The following ADGRL3 variants were observed in gnomAD, a reference collection of about 807,000 sequenced individuals.
ADGRL3 encodes the protein adhesion G protein-coupled receptor L3.
Under a neutral mutation model 153.5 loss-of-function variants are expected in ADGRL3, and 62 were observed. The observed-to-expected ratio is 0.40, with a 90% CI of 0.33 to 0.50. The LOEUF is 0.50. Among genes scored for constraint, ADGRL3 ranks in the 20% least tolerant of loss-of-function variants. The probability of loss-of-function intolerance (pLI) is 0.47; values close to 1 mark genes in which losing one functional copy is unlikely to be tolerated. For missense variants in ADGRL3, 1,641 were observed against 1,859.4 expected (o/e 0.88, Z 2.16); for synonymous variants, 710 against 672.5 (o/e 1.06, Z -0.86).
At chr4:61,970,614 C>T (rs556121901) in intron 17 of ADGRL3, among the ~76,000 whole-genome samples, 5 of 152,166 alleles carry the variant, frequency 3.3e-5, no homozygotes, top group Admixed American at 3.3e-4. Flanking sequence ...ATGTTGTATG[C>T]TCTTAAGAGC....
At chr4:62,036,296 A>G (rs1186518134) in intron 23 of ADGRL3, among the ~76,000 whole-genome samples, 5 of 151,834 alleles carry the variant, frequency 3.3e-5, no homozygotes, top group Non-Finnish European at 7.4e-5. Context: ...CTTTATTTCA[A>G]CTTCACTCTG....
chr4:61,432,763 C>T (rs1265272786), intron 2 of ADGRL3, among the ~76,000 whole-genome samples: 1 of 151,200 alleles, frequency 6.6e-6, no homozygotes, highest in African/African-American at 2.4e-5. Context: ...AAGTGATTCC[C>T]CTGCCTCAGC....
chr4:61,497,386 G>T (rs2098330986), intron 3 of ADGRL3, 38 bp downstream of exon 3: 1 of 1,380,664 alleles, frequency 7.2e-7, no homozygotes, highest in Non-Finnish European at 1.0e-6. Context: ...GCTTAATGTT[G>T]TCTCACTTAT....
At position 62,070,586 on chromosome 4, in the gene ADGRL3, C is replaced by G; in HGVS notation, c.4310C>G (p.Thr1437Ser). Residue 1437 changes from threonine to serine, a missense_variant, in exon 27 of 27, where the codon ACC (threonine) becomes AGC (serine). This residue lies in a region of ADGRL3 where 517 missense variants were observed against 555.0 expected (regional missense o/e 0.93). Transcript: ENST00000683033. ...AGTGAGAGCTTTTTCCCTTTGCTAA[C>G]CAACGAGCACACAGAAGATCTCCAG... ...DHSESFFPLLTNEHTEDLQSP... is the reference protein window; with the variant it reads ...DHSESFFPLLSNEHTEDLQSP... 2.6e-6 allele frequency: 4 copies of G among 1,551,776 alleles called. No individual in the cohort carries two copies. The highest frequency in any genetic ancestry group is 3.5e-6 in the Non-Finnish European group (4 of 1,147,036).
intron 5 of ADGRL3, among the ~76,000 whole-genome samples, chr4:61,628,532 T>G (rs1272385405): frequency 6.6e-6 from 1 of 152,236 alleles, no homozygotes; most frequent in Non-Finnish European, 1.5e-5. Flanking sequence ...ATTTTTCATC[T>G]TACTAATGAC....
At chr4:61,569,017 A>G (rs1579586818) in intron 4 of ADGRL3, among the ~76,000 whole-genome samples, 2 of 152,132 alleles carry the variant, frequency 1.3e-5, no homozygotes, top group Admixed American at 1.3e-4. Context: ...TGAATCTCAT[A>G]TAGCAAGCAT....
chr4:61,588,742 G>T (rs2098957096), intron 5 of ADGRL3, among the ~76,000 whole-genome samples: 1 of 152,034 alleles, frequency 6.6e-6, no homozygotes, highest in South Asian at 2.1e-4. Flanking sequence ...TAAATGCTAT[G>T]CCTGAAAGAG....
chr4:61,533,854 CTT>C (rs1472325881), intron 4 of ADGRL3, among the ~76,000 whole-genome samples: 1 of 151,926 alleles, frequency 6.6e-6, no homozygotes, highest in African/African-American at 2.4e-5. Context: ...CAATAAGTAA[CTT>C]AGTGAAAAAG....
Position 61,496,937 on chromosome 4 carries a change from TC to T in ADGRL3, c.-173-183del, listed in dbSNP as rs1395859345. On this transcript the variant is annotated intron_variant, in intron 2 of 26. Coordinates refer to ENST00000683033, the MANE Select transcript of ADGRL3 (RefSeq NM_001387552.1). ...GCCGGGGCGACAGAGCGAGACTCCA[TC>T]TTAAAAAAAAAAAAAAAATCAGTAT... 6.4e-4 allele frequency among the ~76,000 whole-genome samples: 18 copies of T among 28,216 alleles called. No homozygotes were observed. The South Asian group carries it at 0.092, about 144-fold the overall frequency. 18.5% of individuals were successfully genotyped at this position (28,216 alleles called of 152,430 possible).
chr4:61,805,390 A>G lies in ADGRL3; in HGVS notation c.1400-8419A>G, dbSNP rs572964083. On this transcript the variant is annotated intron_variant, in intron 8 of 26. Transcript: ENST00000683033. ...TAGGATTTAAAGCAGAACTTTAAAA[A>G]CATAAGCACAGCAGGCCAACTTCCT... is the stretch of plus-strand genomic sequence containing the variant. 3.7e-4 allele frequency among the ~76,000 whole-genome samples: 56 copies of G among 152,290 alleles called. 1 individual carries two copies. Among genetic ancestry groups the G allele is most frequent in the African/African-American group, 1.3e-3 (53 of 41,564 alleles).
At position 61,493,816 on chromosome 4, in the gene ADGRL3, A is replaced by G. The variant is rs1332871401; in HGVS notation, c.-173-3305A>G. Among the ~76,000 whole-genome samples, 3 of 152,310 alleles carry G rather than the reference A, an allele frequency of 2.0e-5. No individual in the cohort carries two copies. In the East Asian group the frequency reaches 5.8e-4, roughly 29 times the overall value. ...CTTTGCACAATTAACGTTCCTAATT[A>G]TTTTCATCCATTTTCTTCTTTATTT... On this transcript the variant is annotated intron_variant, in intron 2 of 26. Transcript: ENST00000683033.
At chr4:61,296,063 C>G (rs1272188124) in intron 1 of ADGRL3, among the ~76,000 whole-genome samples, 1 of 152,106 alleles carries the variant, frequency 6.6e-6, no homozygotes, top group Non-Finnish European at 1.5e-5. Flanking sequence ...GGTTTCTTAT[C>G]TAAGGTAAAT....
At chr4:61,849,058 A>C (rs1159359445) in intron 9 of ADGRL3, among the ~76,000 whole-genome samples, 1 of 152,182 alleles carries the variant, frequency 6.6e-6, no homozygotes, top group Non-Finnish European at 1.5e-5. Context: ...AGTTATACAC[A>C]GTGAAGTTAT....
At chr4:61,674,504 A>G (rs2095120555) in intron 5 of ADGRL3, among the ~76,000 whole-genome samples, 1 of 151,804 alleles carries the variant, frequency 6.6e-6, no homozygotes, top group African/African-American at 2.4e-5. Context: ...TAAAATGACT[A>G]TAGACCAAGA....
chr4:61,215,099 TGA>T (rs1046342030), intron 1 of ADGRL3, among the ~76,000 whole-genome samples: 44 of 152,232 alleles, frequency 2.9e-4, no homozygotes, highest in Non-Finnish European at 7.3e-5. Context: ...TTCTTTGTTC[TGA>T]GAGACTTTAA....
intron 1 of ADGRL3, among the ~76,000 whole-genome samples, chr4:61,328,913 G>T (rs1206488503): frequency 6.6e-6 from 1 of 152,108 alleles, no homozygotes; most frequent in Non-Finnish European, 1.5e-5. Flanking sequence ...GATTCGTCCT[G>T]CTCTGTAATC....
chr4:61,924,127 G>T (rs2150017034), intron 13 of ADGRL3, among the ~76,000 whole-genome samples: 1 of 152,054 alleles, frequency 6.6e-6, no homozygotes, highest in South Asian at 2.1e-4. Flanking sequence ...TCTAAATGCT[G>T]CTAAACCAAT....
intron 5 of ADGRL3, among the ~76,000 whole-genome samples, chr4:61,647,424 CA>C (rs1208347574): frequency 6.6e-6 from 1 of 152,062 alleles, no homozygotes; most frequent in African/African-American, 2.4e-5. Context: ...GGTTTGTCCC[CA>C]TATCTGAGTA....
At position 61,969,207 on chromosome 4, in the gene ADGRL3, G is replaced by A. The variant is rs1581681359; in HGVS notation, c.2806-10356G>A. On this transcript the variant is annotated intron_variant, in intron 17 of 26. Transcript: ENST00000683033. ...ACTCAGGTGTGTTGAGCAATCAAGGGAACAAAATGATAATGAATGTTTATT... is the reference window on the plus strand; with the variant it reads ...ACTCAGGTGTGTTGAGCAATCAAGGAAACAAAATGATAATGAATGTTTATT... 3.3e-5 allele frequency among the ~76,000 whole-genome samples: 5 copies of A among 152,158 alleles called. 2 individuals are homozygous for A. Among genetic ancestry groups the A allele is most frequent in the Admixed American group, 3.3e-4 (5 of 15,252 alleles).
Sources: gnomAD v4.1 joint callset for allele counts (sites outside exome capture counted in the v4.1 genomes callset) on GRCh38, gnomAD v4.1.1 for gene constraint, gnomAD v4.1.1 regional missense constraint, MANE v1.5 for transcripts, NCBI Gene and HGNC (gene_info 2026-07-23, HGNC 2026-07-21) for gene names.